GALNT2: variants seen among roughly 807,000 people sequenced by gnomAD.
GALNT2 encodes UDP-GalNAc:polypeptide N-acetylgalactosaminyltransferase 2.
A neutral mutation model predicts 81.4 loss-of-function variants in GALNT2; 31 were observed. That is an observed-to-expected ratio of 0.38 (90% CI 0.29 to 0.51). The LOEUF (loss-of-function observed/expected upper bound fraction) is 0.51. Among genes scored for constraint, GALNT2 ranks in the 20% least tolerant of loss-of-function variants. The pLI, the probability that GALNT2 is intolerant of heterozygous loss-of-function variation, is 0.87. For missense variants in GALNT2, 629 were observed against 765.7 expected (o/e 0.82, Z 2.11); for synonymous variants, 303 against 287.4 (o/e 1.05, Z -0.55).
intron 3 of GALNT2, among the ~76,000 whole-genome samples, chr1:230,226,588 G>A (rs1362871594): frequency 3.3e-5 from 5 of 152,240 alleles, no homozygotes; most frequent in Admixed American, 1.3e-4. Context: ...AAAGGTCCAC[G>A]TGGCTGCAGG....
Position 230,180,398 on chromosome 1 carries a change from C to G in GALNT2, c.220+2087C>G, listed in dbSNP as rs943260431. The stretch of plus-strand genomic sequence containing the variant: ...TCTCTCCGCTTTATTGCCTTTGCTC[C>G]TTTGTCAGAGATCAGTTGGCAATAT... On this transcript the variant is annotated intron_variant, in intron 2 of 15. Coordinates refer to ENST00000366672, the MANE Select transcript of GALNT2 (RefSeq NM_004481.5). Among the ~76,000 whole-genome samples, 5 of 144,448 alleles carry G rather than the reference C, an allele frequency of 3.5e-5. No individual in the cohort carries two copies. The East Asian group carries it at 8.1e-4, about 23-fold the overall frequency. 94.8% of individuals were successfully genotyped at this position (144,448 alleles called of 152,430 possible).
upstream of GALNT2, among the ~76,000 whole-genome samples, chr1:230,062,729 A>C (rs1441176305): frequency 3.3e-5 from 5 of 152,170 alleles, no homozygotes; most frequent in East Asian, 9.6e-4. Context: ...CATTGCATGG[A>C]TATACCACAT....
At chr1:230,252,439 G>T (rs1177661277) in intron 10 of GALNT2, among the ~76,000 whole-genome samples, 1 of 152,094 alleles carries the variant, frequency 6.6e-6, no homozygotes, top group Non-Finnish European at 1.5e-5. Context: ...CTCCTTGGGG[G>T]CATCATCTGT....
chr1:230,278,723 A>G (rs1666360560), intron 15 of GALNT2, among the ~76,000 whole-genome samples: 1 of 152,222 alleles, frequency 6.6e-6, no homozygotes, highest in South Asian at 2.1e-4. Context: ...CAGACTACAT[A>G]GAAATAGGCT....
In GALNT2 at chr1:230,101,239, G is replaced by A. The variant is rs149755449; in HGVS notation, c.126+33833G>A. ...CATATGTGTATGCCTGTATAGATGC[G>A]TGTATTCTACATACTCCTAAATGTG... On this transcript the variant is annotated intron_variant, in intron 1 of 15. Coordinates refer to ENST00000366672, the MANE Select transcript of GALNT2 (RefSeq NM_004481.5). Among the ~76,000 whole-genome samples the A allele has an allele frequency of 6.6e-4, 100 of 152,316 alleles. 1 individual carries two copies. In the East Asian group the frequency reaches 0.018, roughly 27 times the overall value.
intron 11 of GALNT2, among the ~76,000 whole-genome samples, chr1:230,256,323 A>G (rs1195798255): frequency 6.6e-6 from 1 of 152,006 alleles, no homozygotes; most frequent in Non-Finnish European, 1.5e-5. Context: ...GCAGGCGCCT[A>G]TAATCCCAGC....
intron 3 of GALNT2, among the ~76,000 whole-genome samples, chr1:230,224,423 G>C (rs1232881125): frequency 6.6e-6 from 1 of 152,234 alleles, no homozygotes; most frequent in Non-Finnish European, 1.5e-5. Context: ...CATGACGAGA[G>C]AGTTCAGACG....
chr1:230,175,412 C>T (rs1166539817), intron 1 of GALNT2, among the ~76,000 whole-genome samples: 4 of 152,166 alleles, frequency 2.6e-5, no homozygotes, highest in Non-Finnish European at 4.4e-5. Flanking sequence ...TTGGCTTCCT[C>T]ACCTGTAAAA....
At chr1:230,119,920 G>C (rs954204843) in intron 1 of GALNT2, among the ~76,000 whole-genome samples, 2 of 152,098 alleles carry the variant, frequency 1.3e-5, no homozygotes, top group Non-Finnish European at 2.9e-5. Context: ...TTTGAGGACC[G>C]TGTTGCTGTA....
chr1:230,246,397 G>A (rs758835360), intron 8 of GALNT2, among the ~76,000 whole-genome samples: 1 of 152,124 alleles, frequency 6.6e-6, no homozygotes, highest in East Asian at 1.9e-4. Context: ...TCACTTTTGC[G>A]AGCCATGTGG....
intron 1 of GALNT2, among the ~76,000 whole-genome samples, chr1:230,175,601 G>GTCCTCCTCCCCCTCCCTCTCCCC (rs1662948895): frequency 1.4e-5 from 1 of 72,818 alleles, no homozygotes; most frequent in Non-Finnish European, 2.4e-5. Context: ...TCCCCTCCTC[G>GTCCTCCTCCCCCTCCCTCTCCCC]TCCTCCTCCT....
chr1:230,160,712 T>TAA lies in GALNT2; in HGVS notation c.127-17496_127-17495dup, dbSNP rs199499746. Among the ~76,000 whole-genome samples, 8 of 141,936 alleles carry TAA rather than the reference T, an allele frequency of 5.6e-5. No individual in the cohort carries two copies. In the East Asian group the frequency reaches 6.3e-4, roughly 11 times the overall value. 93.1% of individuals were successfully genotyped at this position (141,936 alleles called of 152,430 possible). A position where few individuals can be genotyped will look rare whatever the true frequency, so the allele number is the denominator to read the frequency against. The stretch of plus-strand genomic sequence containing the variant: ...CTGGGTGACTGAGTGAGACTCCATC[T>TAA]AAAAAAAAAAACACGAAACTTTCAG... On this transcript the variant is annotated intron_variant, in intron 1 of 15. Transcript: ENST00000366672.
At position 230,280,861 on chromosome 1, in the gene GALNT2, A is replaced by G. The variant is rs1173569492; in HGVS notation, c.*1403A>G. The G allele has an allele frequency of 1.3e-5, 2 of 152,362 alleles. No individual in the cohort carries two copies. The highest frequency in any genetic ancestry group is 1.9e-4 in the East Asian group (1 of 5,182). 9.4% of individuals were successfully genotyped at this position (152,362 alleles called of 1,614,324 possible). On this transcript the variant is annotated 3_prime_UTR_variant, in exon 16 of 16. Transcript: ENST00000366672. ...CTTGGGGTCCTGTTAAACCACAGAC[A>G]GTTATGAACTGAAAGTCATAACGGG...
At chr1:230,084,313 C>T (rs535415613) in intron 1 of GALNT2, among the ~76,000 whole-genome samples, 11 of 151,970 alleles carry the variant, frequency 7.2e-5, no homozygotes, top group South Asian at 2.1e-4. Flanking sequence ...CAGGAAGGGC[C>T]GAGGAGGGGA....
chr1:230,279,340 A>G lies in GALNT2; in HGVS notation c.1598A>G (p.His533Arg). The stretch of plus-strand genomic sequence containing the variant: ...ATCGAGGGCAACTCCAAGCTGAGGC[A>G]CGTGGGCAGCAACCTGTGCCTGGAC... ...EQIEGNSKLR[H>R]VGSNLCLDSR... Residue 533 changes from histidine (H) to arginine (R), a missense_variant, in exon 16 of 16, where the codon CAC becomes CGC. Coordinates refer to ENST00000366672, the MANE Select transcript of GALNT2 (RefSeq NM_004481.5). The surrounding 1 kb of genome is among the most constrained non-coding windows in gnomAD (Gnocchi z 4.6). The G allele has an allele frequency of 6.2e-7, 1 of 1,614,156 alleles. No individual in the cohort carries two copies. The highest frequency in any genetic ancestry group is 1.1e-5 in the South Asian group (1 of 91,084).
intron 1 of GALNT2, among the ~76,000 whole-genome samples, chr1:230,166,543 T>C (rs186031399): frequency 1.0e-3 from 158 of 152,364 alleles, no homozygotes; most frequent in African/African-American, 3.5e-3. Context: ...GGCCTTGCCA[T>C]GGAGAGATGG....
chr1:230,267,762 G>A (rs1297705533), intron 14 of GALNT2, among the ~76,000 whole-genome samples: 1 of 152,200 alleles, frequency 6.6e-6, no homozygotes, highest in African/African-American at 2.4e-5. Context: ...TGGTATTGGT[G>A]GGGTGGGCAG....
At chr1:230,138,063 G>T (rs555824845) in intron 1 of GALNT2, among the ~76,000 whole-genome samples, 1 of 152,100 alleles carries the variant, frequency 6.6e-6, no homozygotes, top group African/African-American at 2.4e-5. Flanking sequence ...CGTTGCGTGC[G>T]TCTTTTCCAG....
In GALNT2 at chr1:230,261,081, C is replaced by CTTT. The variant is rs60478941; in HGVS notation, c.1137-1476_1137-1474dup. On this transcript the variant is annotated intron_variant, in intron 11 of 15. Coordinates refer to ENST00000366672, the MANE Select transcript of GALNT2 (RefSeq NM_004481.5). ...CCTCATATTTAGTCATAAAGTTTCT[C>CTTT]TTTTTTTTTTTTTTTTTTGCTATTA... is the stretch of plus-strand genomic sequence containing the variant. Among the ~76,000 whole-genome samples, 115 of 130,378 alleles carry CTTT rather than the reference C, an allele frequency of 8.8e-4. 1 individual carries two copies. The highest frequency in any genetic ancestry group is 3.9e-3 in the Middle Eastern group (1 of 254). The allele number at this position is 130,378 out of a possible 152,430, so 85.5% of individuals were successfully genotyped here.
Sources: allele counts gnomAD v4.1 joint callset (sites outside exome capture counted in the v4.1 genomes callset), GRCh38; gene constraint gnomAD v4.1.1; non-coding constraint Gnocchi (gnomAD v3.1); transcripts MANE v1.5; gene names NCBI Gene and HGNC (gene_info 2026-07-23, HGNC 2026-07-21).